ABCD2: variants seen among roughly 807,000 people sequenced by gnomAD.
The protein encoded by ABCD2 is ATP-binding cassette sub-family D member 2.
In ABCD2, 36 loss-of-function variants were observed where a neutral mutation model predicts 70.9. The ratio of observed to expected loss-of-function variants is 0.51; its 90% CI spans 0.39 to 0.67. The LOEUF (loss-of-function observed/expected upper bound fraction) is 0.67. Among genes scored for constraint, ABCD2 ranks in the 30% least tolerant of loss-of-function variants. The pLI is 0.00. For synonymous variants in ABCD2, 304 were observed against 306.9 expected (o/e 0.99, Z 0.10); for missense variants, 729 against 890.2 (o/e 0.82, Z 2.30).
chr12:39,547,066 A>G (rs1941032200), downstream of ABCD2, among the ~76,000 whole-genome samples: 1 of 152,104 alleles, frequency 6.6e-6, no homozygotes. Flanking sequence ...TGATATACAA[A>G]TGACCAACAA....
chr12:39,568,185 TG>T (rs1305917220), intron 9 of ABCD2, among the ~76,000 whole-genome samples: 3 of 152,212 alleles, frequency 2.0e-5, no homozygotes, highest in Admixed American at 6.5e-5. Context: ...CTTGCTAGAT[TG>T]GGGAAGTTCT....
At chr12:39,617,390 T>C (rs1163294169) in intron 1 of ABCD2, among the ~76,000 whole-genome samples, 1 of 152,084 alleles carries the variant, frequency 6.6e-6, no homozygotes, top group African/African-American at 2.4e-5. Flanking sequence ...TAATTTATAG[T>C]TATGATATTT....
rs1941083028 is a variant in ABCD2 at position 39,551,231 on chromosome 12, T to G, written c.*2681A>C. ...CGTTTTCATAGAATCCAACTTATTT[T>G]TCAAGTTTAAGAGTTAACCTAAAGA... On this transcript the variant is annotated 3_prime_UTR_variant, in exon 10 of 10. Transcript: ENST00000308666. 6.6e-6 allele frequency: 1 copy of G among 151,706 alleles called. No homozygotes were observed. The highest frequency in any genetic ancestry group is 6.6e-5 in the Admixed American group (1 of 15,204). 9.4% of individuals were successfully genotyped at this position (151,706 alleles called of 1,614,324 possible).
chr12:39,589,540 A>G (rs1393157963), intron 6 of ABCD2, among the ~76,000 whole-genome samples: 2 of 151,840 alleles, frequency 1.3e-5, no homozygotes, highest in Admixed American at 1.3e-4. Context: ...GGCGTCTGTC[A>G]CCACGCCTGG....
chr12:39,571,393 A>G (rs530452004), intron 9 of ABCD2, among the ~76,000 whole-genome samples: 7 of 152,328 alleles, frequency 4.6e-5, no homozygotes, highest in Admixed American at 2.6e-4. Flanking sequence ...ACTGTAAAAA[A>G]GAATAAAATC....
At chr12:39,567,478 G>C (rs1400011662) in intron 9 of ABCD2, among the ~76,000 whole-genome samples, 1 of 151,986 alleles carries the variant, frequency 6.6e-6, no homozygotes, top group Non-Finnish European at 1.5e-5. Context: ...TTTTCCATTT[G>C]CTTGGTAGAT....
intron 9 of ABCD2, among the ~76,000 whole-genome samples, chr12:39,566,361 GTTGT>G (rs1242422763): frequency 6.6e-6 from 1 of 152,112 alleles, no homozygotes; most frequent in Non-Finnish European, 1.5e-5. Context: ...GTCTTGGGAG[GTTGT>G]TTGTGTCGAG....
rs1422618762 is a variant in ABCD2 at position 39,600,748 on chromosome 12, T to G, written c.1501-32A>C. ...TAAGAAATAAAATTACAAACTGCAA[T>G]AGTTTAAAATGATTTATTTTGGCAG... On this transcript the variant is annotated intron_variant, in intron 5 of 9. Coordinates refer to ENST00000308666, the MANE Select transcript of ABCD2 (RefSeq NM_005164.4). The G allele has an allele frequency of 3.9e-6, 6 of 1,546,580 alleles. No homozygotes were observed. The Admixed American group carries it at 1.2e-4, about 31-fold the overall frequency.
chr12:39,578,517 C>T (rs114207116), intron 8 of ABCD2, among the ~76,000 whole-genome samples: 2,256 of 149,844 alleles, frequency 0.015, 45 homozygotes, highest in African/African-American at 0.052. Context: ...TTTCTGACAA[C>T]CTTCTGTGCT....
Position 39,618,728 on chromosome 12 carries a change from G to A in ABCD2, c.888C>T (p.His296=), listed in dbSNP as rs1942150599. 6.2e-7 allele frequency: 1 copy of A among 1,614,030 alleles called. No homozygotes were observed. The highest frequency in any genetic ancestry group is 1.1e-5 in the South Asian group (1 of 91,088). ...AHRKGYLRYV[H]SRIIANVEEI... The stretch of plus-strand genomic sequence containing the variant: ...CTTCTACATTGGCTATAATTCTCGA[G>A]TGCACATACCGCAAATAGCCTTTTC... Residue 296 remains histidine (H), a synonymous_variant, in exon 1 of 10, where the codon CAC becomes CAT. Transcript: ENST00000308666.
intron 9 of ABCD2, among the ~76,000 whole-genome samples, chr12:39,559,903 T>G (rs1941229052): frequency 6.6e-6 from 1 of 152,174 alleles, no homozygotes. Flanking sequence ...GAAATGATGC[T>G]AATGGGTAAT....
intron 9 of ABCD2, among the ~76,000 whole-genome samples, chr12:39,572,106 T>C (rs1941456578): frequency 6.6e-6 from 1 of 152,226 alleles, no homozygotes; most frequent in South Asian, 2.1e-4. Flanking sequence ...CAGATTTTGT[T>C]ATTTACTTAA....
intron 9 of ABCD2, among the ~76,000 whole-genome samples, chr12:39,560,642 CTG>C (rs1941242700): frequency 1.3e-5 from 2 of 151,450 alleles, no homozygotes; most frequent in South Asian, 4.2e-4. Flanking sequence ...CTAAAATAAT[CTG>C]TTAACATATA....
At chr12:39,588,487 C>T (rs1941697337) in intron 6 of ABCD2, among the ~76,000 whole-genome samples, 1 of 152,088 alleles carries the variant, frequency 6.6e-6, no homozygotes, top group Non-Finnish European at 1.5e-5. Flanking sequence ...GTTACTGCCG[C>T]CACAAACGAA....
At chr12:39,596,424 G>GA (rs1026955883) in intron 6 of ABCD2, among the ~76,000 whole-genome samples, 4 of 150,538 alleles carry the variant, frequency 2.7e-5, no homozygotes, top group Non-Finnish European at 4.4e-5. Flanking sequence ...AAGACTAAAT[G>GA]AAAAAAAAAT....
At chr12:39,568,132 T>C (rs1462105454) in intron 9 of ABCD2, among the ~76,000 whole-genome samples, 1 of 152,118 alleles carries the variant, frequency 6.6e-6, no homozygotes, top group Non-Finnish European at 1.5e-5. Flanking sequence ...AGGAGTATCT[T>C]TGTGGCATTC....
chr12:39,572,472 G>A (rs1333917789), intron 9 of ABCD2, among the ~76,000 whole-genome samples: 1 of 152,090 alleles, frequency 6.6e-6, no homozygotes, highest in Non-Finnish European at 1.5e-5. Flanking sequence ...AACTCATGCT[G>A]GACTAGATCC....
In ABCD2 at chr12:39,618,911, T is replaced by C. The variant is rs761779727; in HGVS notation, c.705A>G (p.Val235=). The change falls in exon 1 of 10, where the codon GTA becomes GTG. Residue 235 remains valine (V), a synonymous_variant. Coordinates refer to ENST00000308666, the MANE Select transcript of ABCD2 (RefSeq NM_005164.4). ...GAATGAGTGTATAGGAGGTCAGCAT[T>C]ACATCTAAAATAGGTTTGGTCAGAT... ...YSNLTKPILD[V]MLTSYTLIQT... is the part of the protein sequence containing the mutation. The C allele has an allele frequency of 6.2e-7, 1 of 1,614,208 alleles. No individual in the cohort carries two copies. Among genetic ancestry groups the C allele is most frequent in the Non-Finnish European group, 8.5e-7 (1 of 1,180,036 alleles).
chr12:39,579,688 C>T, intron 7 of ABCD2, 69 bp from the exon 8 acceptor site: 1 of 1,209,308 alleles, frequency 8.3e-7, no homozygotes, highest in Non-Finnish European at 1.2e-6. Flanking sequence ...CTACCCTAGA[C>T]AAGTGATTCC....
Sources: allele counts gnomAD v4.1 joint callset (sites outside exome capture counted in the v4.1 genomes callset), GRCh38; gene constraint gnomAD v4.1.1; transcripts MANE v1.5; gene names NCBI Gene and HGNC (gene_info 2026-07-23, HGNC 2026-07-21).